CENPP: variants seen among roughly 807,000 people sequenced by gnomAD.
CENPP encodes the protein centromere protein P.
Under a neutral mutation model 35.6 loss-of-function variants are expected in CENPP, and 24 were observed. The observed-to-expected ratio is 0.67, with a 90% CI of 0.49 to 0.95. The LOEUF is 0.95. CENPP is among the 40% of genes least tolerant of loss of function. The pLI, the probability that CENPP is intolerant of heterozygous loss-of-function variation, is 0.00. For missense variants in CENPP, 332 were observed against 345.3 expected, an observed-to-expected ratio of 0.96 and a Z score of 0.31; for synonymous variants, 120 against 125.5, an observed-to-expected ratio of 0.96 and a Z score of 0.29.
Position 92,604,641 on chromosome 9 carries a change from C to G in CENPP, c.565-6673C>G, listed in dbSNP as rs113297760. On this transcript the variant is annotated intron_variant, in intron 5 of 7. Transcript: ENST00000375587. ...TGGAGTTTTGCTCTTGTTGCCTAGGCTGGAGTACAAGAGCGTGATCTCAGC... is the reference window on the plus strand; with the variant it reads ...TGGAGTTTTGCTCTTGTTGCCTAGGGTGGAGTACAAGAGCGTGATCTCAGC... Among the ~76,000 whole-genome samples the G allele has an allele frequency of 9.9e-3, 1,514 of 152,260 alleles. 29 individuals carry two copies. Among genetic ancestry groups the G allele is most frequent in the African/African-American group, 0.034 (1,430 of 41,546 alleles).
chr9:92,457,109 T>TGG (rs1221581616), intron 5 of CENPP: 1 of 1,405,576 alleles, frequency 7.1e-7, no homozygotes, highest in Admixed American at 3.1e-5. Context: ...CCCTTATGTA[T>TGG]CAATAGTTTG....
intron 5 of CENPP, among the ~76,000 whole-genome samples, chr9:92,435,079 A>C (rs1844215214): frequency 6.6e-6 from 1 of 152,164 alleles, no homozygotes; most frequent in Admixed American, 6.5e-5. Flanking sequence ...TATACTGTAC[A>C]CTGTGTACAA....
At chr9:92,467,138 A>G (rs974809153) in intron 5 of CENPP, among the ~76,000 whole-genome samples, 3 of 152,180 alleles carry the variant, frequency 2.0e-5, no homozygotes, top group Non-Finnish European at 2.9e-5. Flanking sequence ...AAATGACTCA[A>G]TCTCTTATCA....
intron 5 of CENPP, among the ~76,000 whole-genome samples, chr9:92,394,458 G>T (rs1217926741): frequency 1.4e-5 from 2 of 143,172 alleles, no homozygotes; most frequent in South Asian, 2.2e-4. Flanking sequence ...TCACCATGTT[G>T]GCCAGGCTGG....
chr9:92,464,971 C>A (rs186446386), intron 5 of CENPP: 1 of 1,614,088 alleles, frequency 6.2e-7, no homozygotes, highest in East Asian at 2.2e-5. Context: ...GGAACACCGT[C>A]ACCCCTTCAA....
chr9:92,511,586 A>G (rs1485921273), intron 5 of CENPP, among the ~76,000 whole-genome samples: 2 of 152,042 alleles, frequency 1.3e-5, no homozygotes, highest in Non-Finnish European at 2.9e-5. Flanking sequence ...CTGCCAAAGT[A>G]TCCTCCATCA....
At chr9:92,359,800 T>G (rs1361472990) in intron 4 of CENPP, among the ~76,000 whole-genome samples, 1 of 152,036 alleles carries the variant, frequency 6.6e-6, no homozygotes, top group Non-Finnish European at 1.5e-5. Flanking sequence ...CTTTTTTTTT[T>G]TTTGCTTGCT....
intron 5 of CENPP, among the ~76,000 whole-genome samples, chr9:92,508,078 G>A (rs1288730453): frequency 6.6e-6 from 1 of 152,178 alleles, no homozygotes; most frequent in Non-Finnish European, 1.5e-5. Flanking sequence ...CAAGAGAGAT[G>A]ACGGGAGAGC....
intron 5 of CENPP, among the ~76,000 whole-genome samples, chr9:92,422,933 T>C (rs1843855851): frequency 6.6e-6 from 1 of 152,238 alleles, no homozygotes; most frequent in Non-Finnish European, 1.5e-5. Context: ...TATTGTATAA[T>C]TCATTGTTGA....
At chr9:92,468,266 G>A (rs1217103531) in intron 5 of CENPP, among the ~76,000 whole-genome samples, 2 of 152,234 alleles carry the variant, frequency 1.3e-5, no homozygotes, top group East Asian at 1.9e-4. Context: ...GTTTTGTGCA[G>A]CACTGGTAAG....
chr9:92,354,800 C>G (rs1428066645), intron 4 of CENPP, among the ~76,000 whole-genome samples: 1 of 152,110 alleles, frequency 6.6e-6, no homozygotes, highest in African/African-American at 2.4e-5. Flanking sequence ...TGTCGGCTGG[C>G]TGAGAAATAA....
intron 5 of CENPP, among the ~76,000 whole-genome samples, chr9:92,490,531 T>C (rs1846151530): frequency 6.6e-6 from 1 of 152,230 alleles, no homozygotes; most frequent in Admixed American, 6.5e-5. Flanking sequence ...TTCTATCCTT[T>C]TTCTAAATAA....
At chr9:92,523,032 A>G in intron 5 of CENPP, 1 of 826,226 alleles carries the variant, frequency 1.2e-6, no homozygotes. Flanking sequence ...ATGCTATAGT[A>G]TTATTGCCAA....
chr9:92,567,389 T>TATAG (rs1554688291), intron 5 of CENPP, among the ~76,000 whole-genome samples: 2 of 98,044 alleles, frequency 2.0e-5, no homozygotes, highest in Non-Finnish European at 2.0e-5. Flanking sequence ...TATATATATA[T>TATAG]ATATATAGAT....
At chr9:92,359,353 C>G (rs941788476) in intron 4 of CENPP, among the ~76,000 whole-genome samples, 1 of 152,142 alleles carries the variant, frequency 6.6e-6, no homozygotes, top group Non-Finnish European at 1.5e-5. Flanking sequence ...GATTCTCCCT[C>G]TTCCCCAGGG....
intron 5 of CENPP, among the ~76,000 whole-genome samples, chr9:92,545,630 G>A (rs1001626194): frequency 2.0e-5 from 3 of 152,328 alleles, no homozygotes; most frequent in Non-Finnish European, 4.4e-5. Flanking sequence ...TGAGGAGTGC[G>A]GGCACAGGGC....
intron 2 of CENPP, among the ~76,000 whole-genome samples, chr9:92,332,926 T>G (rs1247013902): frequency 6.6e-6 from 1 of 152,036 alleles, no homozygotes; most frequent in Admixed American, 6.5e-5. Context: ...GACACAGTTT[T>G]TATCATTAAG....
intron 4 of CENPP, among the ~76,000 whole-genome samples, chr9:92,349,493 T>G (rs2130810612): frequency 6.6e-6 from 1 of 151,876 alleles, no homozygotes; most frequent in East Asian, 1.9e-4. Flanking sequence ...AACCTCTGAC[T>G]CCCTGGTTCA....
chr9:92,382,684 A>G (rs77761945), intron 5 of CENPP, among the ~76,000 whole-genome samples: 3,092 of 152,194 alleles, frequency 0.02, 116 homozygotes, highest in African/African-American at 0.069. Flanking sequence ...TAAATATTAC[A>G]TAAGGTAGGT....
Sources: gnomAD v4.1 joint callset for allele counts (sites outside exome capture counted in the v4.1 genomes callset) on GRCh38, gnomAD v4.1.1 for gene constraint, MANE v1.5 for transcripts, NCBI Gene and HGNC (gene_info 2026-07-23, HGNC 2026-07-21) for gene names.